TMEM38A: variants seen among roughly 807,000 people sequenced by gnomAD.
TMEM38A encodes transmembrane protein 38A, also known as trimeric intracellular cation channel type A.
Under a neutral mutation model 28.6 loss-of-function variants are expected in TMEM38A, and 17 were observed. That is an observed-to-expected ratio of 0.60 (90% CI 0.41 to 0.89). The LOEUF is 0.89. Ranked by LOEUF, TMEM38A falls within the 40% of genes least tolerant of loss-of-function variation. The probability of loss-of-function intolerance (pLI) is 0.00; values close to 1 mark genes in which losing one functional copy is unlikely to be tolerated. For synonymous variants in TMEM38A, 169 were observed against 166.1 expected (o/e 1.02, Z -0.14); for missense variants, 328 against 393.1 (o/e 0.83, Z 1.40).
chr19:16,686,099 G>T (rs2086800527), intron 4 of TMEM38A, among the ~76,000 whole-genome samples, 189 bp from the exon 5 acceptor site: 1 of 152,174 alleles, frequency 6.6e-6, no homozygotes, highest in African/African-American at 2.4e-5. Flanking sequence ...GGAGGTGGAG[G>T]TTGCAGTGAG....
intron 1 of TMEM38A, among the ~76,000 whole-genome samples, chr19:16,664,193 A>G (rs1239636007): frequency 1.3e-5 from 2 of 152,106 alleles, no homozygotes; most frequent in African/African-American, 4.8e-5. Context: ...AGGCGGGTGG[A>G]TCACTTGAGC....
At chr19:16,678,733 C>T (rs1305500404) in intron 1 of TMEM38A, among the ~76,000 whole-genome samples, 2 of 143,132 alleles carry the variant, frequency 1.4e-5, no homozygotes, top group East Asian at 4.0e-4. Flanking sequence ...CCACTGCGCT[C>T]CAGGCTGGGT....
At chr19:16,671,984 T>C (rs1314621807) in intron 1 of TMEM38A, among the ~76,000 whole-genome samples, 1 of 152,210 alleles carries the variant, frequency 6.6e-6, no homozygotes, top group Non-Finnish European at 1.5e-5. Context: ...CCAGCTGCTC[T>C]GAGGGATTAA....
At chr19:16,671,983 C>T (rs542329529) in intron 1 of TMEM38A, among the ~76,000 whole-genome samples, 1 of 152,316 alleles carries the variant, frequency 6.6e-6, no homozygotes, top group Non-Finnish European at 1.5e-5. Context: ...ACCAGCTGCT[C>T]TGAGGGATTA....
chr19:16,683,826 TG>T (rs2086790957), intron 4 of TMEM38A, among the ~76,000 whole-genome samples: 1 of 152,092 alleles, frequency 6.6e-6, no homozygotes, highest in African/African-American at 2.4e-5. Context: ...CAAAATTAGC[TG>T]GGTGTGGTGG....
intron 1 of TMEM38A, 77 bp from the exon 2 acceptor site, chr19:16,679,907 G>C (rs2086772640): frequency 6.8e-7 from 1 of 1,471,394 alleles, no homozygotes; most frequent in East Asian, 2.3e-5. Context: ...GATTAGGATA[G>C]GCTGACCAGA....
chr19:16,675,803 T>G (rs2086748365), intron 1 of TMEM38A, among the ~76,000 whole-genome samples: 2 of 151,932 alleles, frequency 1.3e-5, no homozygotes, highest in South Asian at 4.1e-4. Flanking sequence ...CGCCTCAGCC[T>G]CCCAAAGTGC....
chr19:16,671,201 CTTTT>C (rs34550977), intron 1 of TMEM38A, among the ~76,000 whole-genome samples: 24 of 84,850 alleles, frequency 2.8e-4, no homozygotes, highest in African/African-American at 1.4e-3. Flanking sequence ...AGGACCTGGG[CTTTT>C]TTTTTTTTTT....
chr19:16,662,711 C>T (rs2122571080), intron 1 of TMEM38A, among the ~76,000 whole-genome samples: 1 of 152,018 alleles, frequency 6.6e-6, no homozygotes, highest in East Asian at 1.9e-4. Flanking sequence ...CTAGGCCTCC[C>T]AAAGTGCTGG....
At position 16,661,372 on chromosome 19, in the gene TMEM38A, G is replaced by A; in HGVS notation, c.124+31G>A. 2.0e-6 allele frequency: 3 copies of A among 1,533,740 alleles called. No individual in the cohort carries two copies. The highest frequency in any genetic ancestry group is 1.7e-4 in the Middle Eastern group (1 of 5,796). ...CCGGGGCGGGGGGCTGGAGGGGACC[G>A]GCAGCGGGTGGCGCGGGCCGGGGCA... On this transcript the variant is annotated intron_variant, in intron 1 of 5. Transcript: ENST00000187762. The surrounding 1 kb of genome is among the most constrained non-coding windows in gnomAD (Gnocchi z 6.5).
intron 1 of TMEM38A, among the ~76,000 whole-genome samples, chr19:16,664,845 A>T (rs1012125007): frequency 6.6e-6 from 1 of 151,930 alleles, no homozygotes; most frequent in Non-Finnish European, 1.5e-5. Context: ...ACAGAGCAAG[A>T]CCGTGTCTCC....
intron 1 of TMEM38A, among the ~76,000 whole-genome samples, chr19:16,676,755 CT>C (rs960732087): frequency 0.063 from 7,441 of 119,050 alleles, 118 homozygotes; most frequent in African/African-American, 0.15. Context: ...TTTTCATGAC[CT>C]TTTTTTTTTT....
At position 16,674,656 on chromosome 19, in the gene TMEM38A, G is replaced by T. The variant is rs141007765; in HGVS notation, c.125-5328G>T. Among the ~76,000 whole-genome samples the T allele has an allele frequency of 2.9e-4, 44 of 151,270 alleles. 1 individual carries two copies. In the East Asian group the frequency reaches 7.7e-3, roughly 26 times the overall value. On this transcript the variant is annotated intron_variant, in intron 1 of 5. Transcript: ENST00000187762. ...CTCTACTAAAAATACAAAATTAGCC[G>T]GGCGTGGTGGTCCATGCCTGTAATC...
At chr19:16,670,053 T>G (rs1198072976) in intron 1 of TMEM38A, among the ~76,000 whole-genome samples, 1 of 151,980 alleles carries the variant, frequency 6.6e-6, no homozygotes, top group Non-Finnish European at 1.5e-5. Flanking sequence ...CACCGCAACC[T>G]CCGCCTCATG....
chr19:16,679,142 CTGTT>C (rs940757780), intron 1 of TMEM38A, among the ~76,000 whole-genome samples: 1 of 140,052 alleles, frequency 7.1e-6, no homozygotes, highest in Non-Finnish European at 1.5e-5. Flanking sequence ...GAGTGACACT[CTGTT>C]TGAAACAAAC....
intron 1 of TMEM38A, among the ~76,000 whole-genome samples, chr19:16,670,269 G>GTTTTTT (rs1411682446): frequency 8.2e-6 from 1 of 121,364 alleles, no homozygotes; most frequent in African/African-American, 3.2e-5. Flanking sequence ...CGCCCGGCCT[G>GTTTTTT]TTTTTTGTTT....
At chr19:16,671,140 T>C (rs534058665) in intron 1 of TMEM38A, among the ~76,000 whole-genome samples, 57 of 145,864 alleles carry the variant, frequency 3.9e-4, no homozygotes, top group African/African-American at 1.5e-3. Flanking sequence ...ATTGGCTTCA[T>C]GGGGCTGTCC....
Position 16,689,163 on chromosome 19 carries a change from G to T in TMEM38A, c.*792G>T, listed in dbSNP as rs1219580580. 6.6e-6 allele frequency: 1 copy of T among 152,172 alleles called. No individual in the cohort carries two copies. The highest frequency in any genetic ancestry group is 2.4e-5 in the African/African-American group (1 of 41,416). 9.4% of individuals were successfully genotyped at this position (152,172 alleles called of 1,614,324 possible). A position where few individuals can be genotyped will look rare whatever the true frequency, so the allele number is the denominator to read the frequency against. On this transcript the variant is annotated 3_prime_UTR_variant, in exon 6 of 6. Transcript: ENST00000187762. ...CTCAGTGGCTAGACATTTTCACGTG[G>T]CCAGAAAGTCCCGACTCTTGCTGGG...
intron 1 of TMEM38A, among the ~76,000 whole-genome samples, chr19:16,665,440 T>C (rs2086698861): frequency 6.7e-6 from 1 of 150,348 alleles, no homozygotes; most frequent in Non-Finnish European, 1.5e-5. Context: ...CAGTGAGCCA[T>C]GATCGTGCCA....
Sources: gnomAD v4.1 joint callset for allele counts (sites outside exome capture counted in the v4.1 genomes callset) on GRCh38, gnomAD v4.1.1 for gene constraint, Gnocchi (gnomAD v3.1) non-coding constraint, MANE v1.5 for transcripts, NCBI Gene and HGNC (gene_info 2026-07-23, HGNC 2026-07-21) for gene names.